The following EDIL3 variants were observed in gnomAD, a reference collection of about 807,000 sequenced individuals.
EDIL3 encodes the protein EGF like and discoidin domains 3.
A neutral mutation model predicts 67.4 loss-of-function variants in EDIL3; 37 were observed. The ratio of observed to expected loss-of-function variants is 0.55; its 90% CI spans 0.42 to 0.72. The LOEUF (loss-of-function observed/expected upper bound fraction) is 0.72, where lower values mean the gene tolerates loss of function less well. Among genes scored for constraint, EDIL3 ranks in the 30% least tolerant of loss-of-function variants. The probability of loss-of-function intolerance (pLI) is 0.00; values close to 1 mark genes in which losing one functional copy is unlikely to be tolerated. For missense variants in EDIL3, 527 were observed against 586.3 expected (o/e 0.90, Z 1.04); for synonymous variants, 195 against 196.3 (o/e 0.99, Z 0.05).
intron 9 of EDIL3, among the ~76,000 whole-genome samples, chr5:84,017,854 G>A (rs1317462364): frequency 6.6e-6 from 1 of 151,774 alleles, no homozygotes; most frequent in Non-Finnish European, 1.5e-5. Flanking sequence ...AATTCATTCT[G>A]TTGTTTTCTT....
chr5:84,193,620 T>C (rs538305444), intron 3 of EDIL3, among the ~76,000 whole-genome samples: 1 of 151,920 alleles, frequency 6.6e-6, no homozygotes, highest in South Asian at 2.1e-4. Context: ...GAATCCAGGA[T>C]CAAGACTCAA....
chr5:84,139,532 C>A (rs1748152684), intron 4 of EDIL3, among the ~76,000 whole-genome samples: 1 of 151,998 alleles, frequency 6.6e-6, no homozygotes, highest in African/African-American at 2.4e-5. Flanking sequence ...TTATTGTTGC[C>A]AACTCAATTA....
chr5:84,207,017 T>G (rs1379641955), intron 3 of EDIL3, among the ~76,000 whole-genome samples: 1 of 152,074 alleles, frequency 6.6e-6, no homozygotes, highest in Non-Finnish European at 1.5e-5. Flanking sequence ...ACCACTCCTA[T>G]TCAACATAGT....
intron 6 of EDIL3, among the ~76,000 whole-genome samples, chr5:84,083,331 G>A (rs1490148592): frequency 1.3e-5 from 2 of 152,092 alleles, no homozygotes; most frequent in Non-Finnish European, 2.9e-5. Context: ...CAAAAGCCTG[G>A]AATTGGGAGT....
intron 2 of EDIL3, among the ~76,000 whole-genome samples, chr5:84,231,728 G>T (rs1007890021): frequency 3.3e-5 from 5 of 152,266 alleles, no homozygotes; most frequent in East Asian, 1.9e-4. Context: ...TTTAAAAGCT[G>T]TTTGCCGCTT....
intron 2 of EDIL3, among the ~76,000 whole-genome samples, chr5:84,235,907 T>C (rs188521245): frequency 1.0e-3 from 153 of 152,158 alleles, no homozygotes; most frequent in Admixed American, 1.8e-3. Context: ...CATTAGATTA[T>C]CTCATGAAAA....
intron 3 of EDIL3, among the ~76,000 whole-genome samples, chr5:84,203,476 T>C (rs1163116412): frequency 2.0e-5 from 3 of 152,192 alleles, no homozygotes; most frequent in African/African-American, 7.2e-5. Context: ...AAAAGGAATC[T>C]GAATCTCAGG....
chr5:84,380,267 G>A (rs1251329491), intron 1 of EDIL3, among the ~76,000 whole-genome samples: 3 of 151,826 alleles, frequency 2.0e-5, no homozygotes, highest in Non-Finnish European at 4.4e-5. Flanking sequence ...ATCTAAGGAA[G>A]ATGCTAAGCG....
intron 3 of EDIL3, among the ~76,000 whole-genome samples, chr5:84,222,966 A>C (rs1302735448): frequency 6.6e-6 from 1 of 151,814 alleles, no homozygotes; most frequent in African/African-American, 2.4e-5. Flanking sequence ...TTTGTTGTGC[A>C]GAAGCTTTTT....
chr5:84,291,690 C>G (rs898913194), intron 1 of EDIL3, among the ~76,000 whole-genome samples: 2 of 145,770 alleles, frequency 1.4e-5, no homozygotes, highest in Non-Finnish European at 3.0e-5. Context: ...ATAGATATAT[C>G]TATATATCTA....
At position 84,106,837 on chromosome 5, in the gene EDIL3, A is replaced by G. The variant is rs1747473794; in HGVS notation, c.470-7T>C. 1 of 1,588,580 alleles carries G rather than the reference A, an allele frequency of 6.3e-7. No individual in the cohort carries two copies. The highest frequency in any genetic ancestry group is 1.4e-5 in the African/African-American group (1 of 73,266). On this transcript the variant is annotated splice_polypyrimidine_tract_variant and splice_region_variant and intron_variant, in intron 5 of 10. Transcript: ENST00000296591. Reference sequence around the variant, plus strand: ...CCCAGTGGGCCTGAGCATTCTGGAAACAAAAACAGGAAAAAATATGAATGT... The same window carrying G: ...CCCAGTGGGCCTGAGCATTCTGGAAGCAAAAACAGGAAAAAATATGAATGT...
intron 9 of EDIL3, among the ~76,000 whole-genome samples, chr5:84,053,106 G>A (rs1746373551): frequency 6.6e-6 from 1 of 152,108 alleles, no homozygotes; most frequent in Non-Finnish European, 1.5e-5. Context: ...ATAACAAACT[G>A]TCTCTCAGAC....
chr5:84,097,327 A>G (rs1034119989), intron 6 of EDIL3, among the ~76,000 whole-genome samples: 1 of 152,220 alleles, frequency 6.6e-6, no homozygotes, highest in Non-Finnish European at 1.5e-5. Flanking sequence ...AAATTGTGAC[A>G]TTGCCCTAGT....
intron 1 of EDIL3, among the ~76,000 whole-genome samples, chr5:84,332,492 G>T (rs1746893756): frequency 6.6e-6 from 1 of 152,136 alleles, no homozygotes; most frequent in Non-Finnish European, 1.5e-5. Flanking sequence ...ATTGTTTTCA[G>T]TGCAAGATTT....
At chr5:84,103,323 A>G (rs1430058371) in intron 6 of EDIL3, among the ~76,000 whole-genome samples, 4 of 152,076 alleles carry the variant, frequency 2.6e-5, no homozygotes, top group African/African-American at 7.2e-5. Context: ...ATATTTCATG[A>G]CAAAGAGACG....
intron 2 of EDIL3, among the ~76,000 whole-genome samples, chr5:84,231,206 A>G (rs1744570271): frequency 6.6e-6 from 1 of 152,212 alleles, no homozygotes; most frequent in African/African-American, 2.4e-5. Context: ...GAGCAGCAAG[A>G]TTCCAAGGGC....
chr5:84,098,913 C>A (rs1217175979), intron 6 of EDIL3, among the ~76,000 whole-genome samples: 1 of 152,066 alleles, frequency 6.6e-6, no homozygotes, highest in Non-Finnish European at 1.5e-5. Flanking sequence ...AAACTCAGAG[C>A]TGAACTGAAG....
intron 9 of EDIL3, among the ~76,000 whole-genome samples, chr5:84,037,759 T>G (rs1445630039): frequency 6.6e-6 from 1 of 152,168 alleles, no homozygotes; most frequent in Non-Finnish European, 1.5e-5. Flanking sequence ...TCCATGGTTA[T>G]GTTTCTGTAA....
chr5:84,195,034 C>T (rs779776117), intron 3 of EDIL3, among the ~76,000 whole-genome samples: 2 of 151,888 alleles, frequency 1.3e-5, no homozygotes, highest in Non-Finnish European at 2.9e-5. Context: ...TTTGACTACA[C>T]TGTGATTTAA....
Sources: allele counts gnomAD v4.1 joint callset (sites outside exome capture counted in the v4.1 genomes callset), GRCh38; gene constraint gnomAD v4.1.1; transcripts MANE v1.5; gene names NCBI Gene and HGNC (gene_info 2026-07-23, HGNC 2026-07-21).